PDE1C: variants seen among roughly 807,000 people sequenced by gnomAD.
PDE1C encodes the protein dual specificity calcium/calmodulin-dependent 3',5'-cyclic nucleotide phosphodiesterase 1C.
PDE1C carries 62 observed loss-of-function variants against 93.1 expected under a neutral mutation model. That is an observed-to-expected ratio of 0.67 (90% CI 0.54 to 0.82). The LOEUF (loss-of-function observed/expected upper bound fraction) is 0.82. Ranked by LOEUF, PDE1C falls within the 40% of genes least tolerant of loss-of-function variation. The pLI is 0.00. For synonymous variants in PDE1C, 325 were observed against 310.1 expected (o/e 1.05, Z -0.50); for missense variants, 742 against 884.6 (o/e 0.84, Z 2.04).
intron 2 of PDE1C, among the ~76,000 whole-genome samples, chr7:31,970,313 T>C (rs1810761756): frequency 6.6e-6 from 1 of 152,162 alleles, no homozygotes; most frequent in Non-Finnish European, 1.5e-5. Flanking sequence ...GATATCTTTA[T>C]GTCGAGCCCC....
chr7:31,845,030 T>C (rs1162542715), intron 9 of PDE1C, among the ~76,000 whole-genome samples: 1 of 152,080 alleles, frequency 6.6e-6, no homozygotes, highest in Non-Finnish European at 1.5e-5. Flanking sequence ...CTCATAAACC[T>C]TATAACAAAA....
intron 1 of PDE1C, among the ~76,000 whole-genome samples, chr7:32,418,140 C>T (rs1785313235): frequency 1.3e-5 from 2 of 152,192 alleles, no homozygotes; most frequent in African/African-American, 4.8e-5. Flanking sequence ...AGATGTGAAC[C>T]ATCATGCCCA....
At chr7:32,206,621 T>C (rs1228733955) in intron 2 of PDE1C, among the ~76,000 whole-genome samples, 1 of 152,178 alleles carries the variant, frequency 6.6e-6, no homozygotes, top group Non-Finnish European at 1.5e-5. Flanking sequence ...TTCCCCACAC[T>C]GCCCTTGTGG....
intron 3 of PDE1C, among the ~76,000 whole-genome samples, chr7:32,090,119 C>T (rs1375136069): frequency 2.6e-5 from 4 of 152,160 alleles, no homozygotes; most frequent in African/African-American, 9.7e-5. Flanking sequence ...GGATTAAATA[C>T]TACACAGCTG....
At chr7:31,962,541 T>C (rs189539650) in intron 2 of PDE1C, among the ~76,000 whole-genome samples, 43 of 152,294 alleles carry the variant, frequency 2.8e-4, no homozygotes, top group African/African-American at 9.9e-4. Context: ...AGAGAAAGGA[T>C]AGAAGAAGCA....
At chr7:31,885,253 C>A (rs942477822) in intron 2 of PDE1C, among the ~76,000 whole-genome samples, 1 of 152,162 alleles carries the variant, frequency 6.6e-6, no homozygotes, top group African/African-American at 2.4e-5. Context: ...AATAAGATTT[C>A]TCTTCTGAGA....
intron 1 of PDE1C, among the ~76,000 whole-genome samples, chr7:32,321,638 G>A (rs1357600220): frequency 6.6e-6 from 1 of 152,230 alleles, no homozygotes; most frequent in Non-Finnish European, 1.5e-5. Flanking sequence ...ACACTGGGGA[G>A]GAGAGAGATG....
intron 12 of PDE1C, among the ~76,000 whole-genome samples, chr7:31,826,496 T>A (rs565244160): frequency 2.8e-4 from 43 of 152,064 alleles, no homozygotes; most frequent in Non-Finnish European, 4.3e-4. Context: ...CATTTTTGCC[T>A]TTTTTTTCCT....
At chr7:31,954,732 C>T (rs1033350757) in intron 2 of PDE1C, among the ~76,000 whole-genome samples, 1 of 152,148 alleles carries the variant, frequency 6.6e-6, no homozygotes, top group Non-Finnish European at 1.5e-5. Context: ...TGCCATTACT[C>T]TTCATGCAGA....
intron 6 of PDE1C, among the ~76,000 whole-genome samples, chr7:31,865,753 ATTTTG>A (rs1562941428): frequency 6.6e-6 from 1 of 151,836 alleles, no homozygotes; most frequent in Non-Finnish European, 1.5e-5. Flanking sequence ...TTGGGTTTTG[ATTTTG>A]TTTTGTTTTT....
intron 3 of PDE1C, among the ~76,000 whole-genome samples, chr7:32,078,282 G>A (rs759241001): frequency 1.3e-5 from 2 of 152,184 alleles, no homozygotes; most frequent in African/African-American, 4.8e-5. Flanking sequence ...AGCAGAGCTT[G>A]GACCAGAAGT....
intron 1 of PDE1C, among the ~76,000 whole-genome samples, chr7:32,254,974 T>C (rs1046973999): frequency 3.9e-5 from 6 of 152,162 alleles, no homozygotes; most frequent in African/African-American, 1.4e-4. Flanking sequence ...CAAACAAACA[T>C]TTTTCCTTTC....
chr7:31,909,022 T>TC (rs1372195422), intron 2 of PDE1C, among the ~76,000 whole-genome samples: 5 of 152,148 alleles, frequency 3.3e-5, no homozygotes, highest in Non-Finnish European at 7.3e-5. Flanking sequence ...CCTAATGGTC[T>TC]CCCCTGCAGA....
At chr7:32,373,965 C>T (rs1784375098) in intron 1 of PDE1C, among the ~76,000 whole-genome samples, 1 of 151,460 alleles carries the variant, frequency 6.6e-6, no homozygotes, top group Non-Finnish European at 1.5e-5. Context: ...CCACTGCACT[C>T]CAGCCTAGGC....
chr7:32,408,750 C>T (rs1785108478), intron 1 of PDE1C, among the ~76,000 whole-genome samples: 1 of 152,028 alleles, frequency 6.6e-6, no homozygotes, highest in Non-Finnish European at 1.5e-5. Context: ...GATTATGCTG[C>T]TGCACTCCAG....
chr7:31,616,956 T>C, the PDE1C span, among the ~76,000 whole-genome samples: 1 of 152,310 alleles, frequency 6.6e-6, no homozygotes, highest in African/African-American at 2.4e-5. Context: ...CCAATCTAGA[T>C]AATTATATCT....
At chr7:32,012,890 A>G (rs1042646759) in intron 2 of PDE1C, among the ~76,000 whole-genome samples, 2 of 152,164 alleles carry the variant, frequency 1.3e-5, no homozygotes, top group African/African-American at 4.8e-5. Context: ...CCAGCTGTAA[A>G]ATGATCATTC....
chr7:32,089,389 G>C (rs1797326814), intron 3 of PDE1C, among the ~76,000 whole-genome samples: 1 of 152,164 alleles, frequency 6.6e-6, no homozygotes, highest in Admixed American at 6.5e-5. Flanking sequence ...TTTGGTGTGA[G>C]TTGAGAGGCT....
intron 2 of PDE1C, among the ~76,000 whole-genome samples, chr7:31,964,986 A>C (rs2129038935): frequency 6.6e-6 from 1 of 152,320 alleles, no homozygotes; most frequent in East Asian, 1.9e-4. Context: ...CCAAAGGTAG[A>C]TAAAACCACA....
Sources: gnomAD v4.1 joint callset for allele counts (sites outside exome capture counted in the v4.1 genomes callset) on GRCh38, gnomAD v4.1.1 for gene constraint, MANE v1.5 for transcripts, NCBI Gene and HGNC (gene_info 2026-07-23, HGNC 2026-07-21) for gene names.